The following TEK variants were observed in gnomAD, a reference collection of about 807,000 sequenced individuals.
TEK encodes TEK receptor tyrosine kinase.
A neutral mutation model predicts 131.8 loss-of-function variants in TEK; 43 were observed. The ratio of observed to expected loss-of-function variants is 0.33; its 90% confidence interval spans 0.26 to 0.42. The LOEUF (loss-of-function observed/expected upper bound fraction) is 0.42, where lower values mean the gene tolerates loss of function less well. Among genes scored for constraint, TEK ranks in the 10% least tolerant of loss-of-function variants. TEK has a pLI of 1.00. For synonymous variants in TEK, 580 were observed against 491.6 expected (o/e 1.18, Z -2.38); for missense variants, 1,162 against 1,384.4 (o/e 0.84, Z 2.55).
chr9:27,119,885 A>G (rs915321085), intron 1 of TEK, among the ~76,000 whole-genome samples: 1 of 87,988 alleles, frequency 1.1e-5, no homozygotes, highest in African/African-American at 3.7e-5. Context: ...GTCTGTGTGC[A>G]CATGCGTGTG....
chr9:27,215,315 G>A (rs1374162423), intron 18 of TEK, among the ~76,000 whole-genome samples: 1 of 151,912 alleles, frequency 6.6e-6, no homozygotes, highest in African/African-American at 2.4e-5. Flanking sequence ...AAAGGGCCAG[G>A]TTTGAGGGAA....
chr9:27,146,824 G>A (rs1587515598), intron 1 of TEK, among the ~76,000 whole-genome samples: 1 of 150,602 alleles, frequency 6.6e-6, no homozygotes, highest in Non-Finnish European at 1.5e-5. Context: ...CCGCCTCCCG[G>A]GTTCACGCCA....
In TEK at chr9:27,229,337, A is replaced by G; in HGVS notation, c.*105A>G. The G allele has an allele frequency of 9.0e-7, 1 of 1,108,428 alleles. No homozygotes were observed. Among genetic ancestry groups the G allele is most frequent in the Non-Finnish European group, 1.4e-6 (1 of 725,022 alleles). The allele number at this position is 1,108,428 out of a possible 1,614,324, so 68.7% of individuals were successfully genotyped here. ...GCCAAAGGATGTGATATATAAGTGTACATATGTGCTGTACACCTGGGACCT... is the reference window on the plus strand; with the variant it reads ...GCCAAAGGATGTGATATATAAGTGTGCATATGTGCTGTACACCTGGGACCT... On this transcript the variant is annotated 3_prime_UTR_variant, in exon 23 of 23. Transcript: ENST00000380036.
chr9:27,221,000 A>G (rs1826050014), intron 21 of TEK, among the ~76,000 whole-genome samples: 1 of 152,198 alleles, frequency 6.6e-6, no homozygotes. Flanking sequence ...GAGCCCATCA[A>G]GCTAAGATCC....
chr9:27,199,389 A>G (rs7027647), intron 12 of TEK, among the ~76,000 whole-genome samples: 37,857 of 151,988 alleles, frequency 0.25, 4,899 homozygotes, highest in Admixed American at 0.33. Flanking sequence ...TTTTCTAGGA[A>G]CAAGTCCGGT....
chr9:27,127,418 TA>T (rs1297277162), intron 1 of TEK, among the ~76,000 whole-genome samples: 4 of 152,248 alleles, frequency 2.6e-5, no homozygotes, highest in African/African-American at 9.6e-5. Flanking sequence ...CTATCGTGAA[TA>T]GTGCCACAAT....
At chr9:27,116,256 A>G (rs1821552196) in intron 1 of TEK, among the ~76,000 whole-genome samples, 1 of 151,658 alleles carries the variant, frequency 6.6e-6, no homozygotes, top group Non-Finnish European at 1.5e-5. Flanking sequence ...GCAAATAATT[A>G]TTTTGTTCAT....
At chr9:27,181,410 G>A (rs1261269430) in intron 7 of TEK, among the ~76,000 whole-genome samples, 2 of 152,070 alleles carry the variant, frequency 1.3e-5, no homozygotes, top group East Asian at 1.9e-4. Context: ...TGCAGTTGAA[G>A]CCTGTATTGT....
chr9:27,112,965 G>A (rs2131024966), intron 1 of TEK, among the ~76,000 whole-genome samples: 1 of 152,284 alleles, frequency 6.6e-6, no homozygotes, highest in South Asian at 2.1e-4. Context: ...TGCTAAAAAG[G>A]TACTGCATAA....
Position 27,127,303 on chromosome 9 carries a change from A to T in TEK, c.52+17661A>T, listed in dbSNP as rs144304870. Among the ~76,000 whole-genome samples the T allele has an allele frequency of 1.1e-4, 17 of 152,218 alleles. No homozygotes were observed. The East Asian group carries it at 3.3e-3, about 29-fold the overall frequency. ...ATCCATGTCCCTGCAAAGGACATAA[A>T]CTCATCCTTTTTTATGAATGCATAG... is the stretch of plus-strand genomic sequence containing the variant. On this transcript the variant is annotated intron_variant, in intron 1 of 22. Coordinates refer to ENST00000380036, the MANE Select transcript of TEK (RefSeq NM_000459.5).
intron 1 of TEK, among the ~76,000 whole-genome samples, chr9:27,144,585 G>A (rs1302027746): frequency 2.0e-5 from 3 of 152,142 alleles, no homozygotes; most frequent in East Asian, 1.9e-4. Flanking sequence ...TTTATCTGTC[G>A]TTTGGAAGCA....
Position 27,109,569 on chromosome 9 carries a change from G to A in TEK, c.-22G>A, listed in dbSNP as rs759804726. On this transcript the variant is annotated 5_prime_UTR_variant, in exon 1 of 23. The change creates a premature stop within an existing upstream ORF in the 5' untranslated region. Coordinates refer to ENST00000380036, the MANE Select transcript of TEK (RefSeq NM_000459.5). ...GACCTCATGCACATTTGTGGAAACT[G>A]GATGGAGAGATTTGGGGAAGCATGG... 1 of 1,614,102 alleles carries A rather than the reference G, an allele frequency of 6.2e-7. No individual in the cohort carries two copies. The highest frequency in any genetic ancestry group is 8.5e-7 in the Non-Finnish European group (1 of 1,179,960).
At chr9:27,214,020 C>G (rs114112224) in intron 18 of TEK, among the ~76,000 whole-genome samples, 1,793 of 152,316 alleles carry the variant, frequency 0.012, 30 homozygotes, top group African/African-American at 0.04. Flanking sequence ...CCAGGAGGCT[C>G]TACAGAGAAA....
rs73643159 is a variant in TEK, at chr9:27,217,404, G to A, written c.2992-284G>A. On this transcript the variant is annotated intron_variant, in intron 18 of 22. Transcript: ENST00000380036. ...ATGCCTGTCTCCCCTTTCAAGCCTCGGAGTGCCTCTGAGGGCTATAAGGTG... is the reference window on the plus strand; with the variant it reads ...ATGCCTGTCTCCCCTTTCAAGCCTCAGAGTGCCTCTGAGGGCTATAAGGTG... Among the ~76,000 whole-genome samples, 1,272 of 152,180 alleles carry A rather than the reference G, an allele frequency of 8.4e-3. 12 individuals are homozygous for A. Among genetic ancestry groups the A allele is most frequent in the African/African-American group, 0.028 (1,180 of 41,506 alleles).
Position 27,109,413 on chromosome 9 carries a change from C to A in TEK, c.-178C>A. The A allele has an allele frequency of 1.4e-6, 1 of 713,794 alleles. No individual in the cohort carries two copies. Among genetic ancestry groups the A allele is most frequent in the Non-Finnish European group, 2.5e-6 (1 of 397,910 alleles). The allele number at this position is 713,794 out of a possible 1,614,324, so 44.2% of individuals were successfully genotyped here. On this transcript the variant is annotated 5_prime_UTR_variant, in exon 1 of 23. Transcript: ENST00000380036. ...AAAAAGGAACTTAAAACTCCCTGTG[C>A]TCAGACAGAAATGAGACTGTTACAG...
chr9:27,202,947 G>A lies in TEK; in HGVS notation c.2037G>A (p.Lys679=). ...SITIRYKVQG[K]NEDQHVDVKI... ...CTATCCGTTACAAGGTTCAAGGCAA[G>A]AATGAAGACCAGCACGTTGATGTGA... Residue 679 remains lysine, a synonymous_variant, in exon 13 of 23, where the codon AAG becomes AAA. Coordinates refer to ENST00000380036, the MANE Select transcript of TEK (RefSeq NM_000459.5). 6.2e-7 allele frequency: 1 copy of A among 1,614,104 alleles called. No individual in the cohort carries two copies. The highest frequency in any genetic ancestry group is 1.1e-5 in the South Asian group (1 of 91,078).
At chr9:27,127,870 A>G (rs2131054941) in intron 1 of TEK, among the ~76,000 whole-genome samples, 1 of 152,224 alleles carries the variant, frequency 6.6e-6, no homozygotes, top group Non-Finnish European at 1.5e-5. Context: ...TAGATTCTGG[A>G]TATTAACCCC....
intron 1 of TEK, among the ~76,000 whole-genome samples, chr9:27,123,052 CA>C (rs10700803): frequency 0.06 from 2,060 of 34,420 alleles, 2 homozygotes; most frequent in Non-Finnish European, 0.076. Context: ...GACTCTGTCT[CA>C]AAAAAAAAAA....
chr9:27,180,463 A>G (rs1824325414), intron 7 of TEK, 95 bp downstream of exon 7: 1 of 1,523,712 alleles, frequency 6.6e-7, no homozygotes, highest in South Asian at 1.2e-5. Flanking sequence ...TAAGATCCTC[A>G]AGCCTCTTTT....
Sources: gnomAD v4.1 joint callset for allele counts (sites outside exome capture counted in the v4.1 genomes callset) on GRCh38, gnomAD v4.1.1 for gene constraint, MANE v1.5 for transcripts, NCBI Gene and HGNC (gene_info 2026-07-23, HGNC 2026-07-21) for gene names.